ADD2: variants seen among roughly 807,000 people sequenced by gnomAD.
The protein encoded by ADD2 is beta-adducin.
Under a neutral mutation model 83.0 loss-of-function variants are expected in ADD2, and 23 were observed. That is an observed-to-expected ratio of 0.28 (90% CI 0.20 to 0.39). The LOEUF (loss-of-function observed/expected upper bound fraction) is 0.39. ADD2 is among the 10% of genes least tolerant of loss of function. The pLI is 1.00. For missense variants in ADD2, 758 were observed against 944.9 expected (o/e 0.80, Z 2.59); for synonymous variants, 375 against 375.4 (o/e 1.00, Z 0.01).
At chr2:70,691,272 G>C (rs1315126402) in intron 7 of ADD2, among the ~76,000 whole-genome samples, 1 of 152,200 alleles carries the variant, frequency 6.6e-6, no homozygotes, top group Non-Finnish European at 1.5e-5. Context: ...ACAACTCTGG[G>C]AAGAGGCAGG....
At chr2:70,727,151 G>A (rs782191744) in intron 1 of ADD2, among the ~76,000 whole-genome samples, 8 of 152,144 alleles carry the variant, frequency 5.3e-5, no homozygotes, top group Non-Finnish European at 8.8e-5. Context: ...CCATAGACTC[G>A]GAGCAGGAAG....
chr2:70,712,598 T>A lies in ADD2; in HGVS notation c.-35+468A>T, dbSNP rs541310587. Among the ~76,000 whole-genome samples the A allele has an allele frequency of 2.6e-5, 4 of 152,310 alleles. No homozygotes were observed. In the South Asian group the frequency reaches 8.3e-4, roughly 32 times the overall value. Reference sequence around the variant, plus strand: ...TGCAGTTCTCCACTCCATCATTCTGTCCCAGAACATCTGCTGGGCTGCCAT... The same window carrying A: ...TGCAGTTCTCCACTCCATCATTCTGACCCAGAACATCTGCTGGGCTGCCAT... On this transcript the variant is annotated intron_variant, in intron 2 of 15. Coordinates refer to ENST00000264436, the MANE Select transcript of ADD2 (RefSeq NM_001617.4).
rs534333637 is a variant in ADD2, at chr2:70,674,658, T to A, written c.1741+20A>T. Reference sequence around the variant, plus strand: ...ACCCTGGGGGACTTGGAAGCAAGGGTGTGCCTCAGGGTCATTTACCATCAA... The same window carrying A: ...ACCCTGGGGGACTTGGAAGCAAGGGAGTGCCTCAGGGTCATTTACCATCAA... On this transcript the variant is annotated intron_variant, in intron 14 of 15. Transcript: ENST00000264436. The A allele has an allele frequency of 2.6e-3, 3,070 of 1,178,854 alleles. 48 individuals are homozygous for A. In the African/African-American group the frequency reaches 0.057, roughly 22 times the overall value. The allele number at this position is 1,178,854 out of a possible 1,614,324, so 73.0% of individuals were successfully genotyped here.
intron 1 of ADD2, among the ~76,000 whole-genome samples, chr2:70,766,740 G>A (rs1367721670): frequency 1.3e-5 from 2 of 152,144 alleles, no homozygotes; most frequent in Non-Finnish European, 2.9e-5. Flanking sequence ...CTCCTTTTGG[G>A]TTACTCGGGA....
Position 70,767,701 on chromosome 2 carries a change from T to C in ADD2, c.-154+185A>G. 4.3e-6 allele frequency: 6 copies of C among 1,405,624 alleles called. No individual in the cohort carries two copies. The South Asian group carries it at 7.9e-5, about 19-fold the overall frequency. The allele number at this position is 1,405,624 out of a possible 1,614,324, so 87.1% of individuals were successfully genotyped here. On this transcript the variant is annotated intron_variant, in intron 1 of 15. Coordinates refer to ENST00000264436, the MANE Select transcript of ADD2 (RefSeq NM_001617.4). ...CCTAAGAGCCTCGGATGCTACATCA[T>C]CACCAGAAACCTTTAGGCGCAAAAC...
chr2:70,739,956 C>T lies in ADD2; in HGVS notation c.-153-26772G>A, dbSNP rs1256388321. On this transcript the variant is annotated intron_variant, in intron 1 of 15. Coordinates refer to ENST00000264436, the MANE Select transcript of ADD2 (RefSeq NM_001617.4). ...TACCTGCATGGTGGAATAATCTGCA[C>T]AATAAATCCCCGTGACACAAGTTTA... Among the ~76,000 whole-genome samples, 3 of 152,174 alleles carry T rather than the reference C, an allele frequency of 2.0e-5. No homozygotes were observed. The East Asian group carries it at 5.8e-4, about 29-fold the overall frequency.
intron 15 of ADD2, among the ~76,000 whole-genome samples, chr2:70,668,893 T>G (rs1181151914): frequency 6.6e-6 from 1 of 152,172 alleles, no homozygotes; most frequent in Non-Finnish European, 1.5e-5. Context: ...GCTGACGCGC[T>G]TCTGAACACA....
chr2:70,743,034 G>C (rs556427602), intron 1 of ADD2, among the ~76,000 whole-genome samples: 1 of 152,268 alleles, frequency 6.6e-6, no homozygotes, highest in African/African-American at 2.4e-5. Flanking sequence ...TAGTACTGCT[G>C]TTGCATAGCA....
At chr2:70,747,994 T>C (rs1351216458) in intron 1 of ADD2, among the ~76,000 whole-genome samples, 1 of 152,208 alleles carries the variant, frequency 6.6e-6, no homozygotes, top group African/African-American at 2.4e-5. Context: ...AAATTTATAA[T>C]GGCATAAATT....
At position 70,683,478 on chromosome 2, in the gene ADD2, A is replaced by G. The variant is rs114105070; in HGVS notation, c.1125+113T>C. On this transcript the variant is annotated intron_variant, in intron 10 of 15. Coordinates refer to ENST00000264436, the MANE Select transcript of ADD2 (RefSeq NM_001617.4). ...AATTTCCCATCAATGAGGCTTCAAC[A>G]ACCTAGTTGTGATGCTGGCAATTCT... 1,943 of 1,164,418 alleles carry G rather than the reference A, an allele frequency of 1.7e-3. 25 individuals are homozygous for G. In the African/African-American group the frequency reaches 0.027, roughly 16 times the overall value. The allele number at this position is 1,164,418 out of a possible 1,614,324, so 72.1% of individuals were successfully genotyped here. A position where few individuals can be genotyped will look rare whatever the true frequency, so the allele number is the denominator to read the frequency against.
chr2:70,734,735 C>T (rs1391409808), intron 1 of ADD2, among the ~76,000 whole-genome samples: 1 of 152,168 alleles, frequency 6.6e-6, no homozygotes, highest in Admixed American at 6.5e-5. Flanking sequence ...ACAGTCTTAT[C>T]CAAAAAACAA....
intron 4 of ADD2, 45 bp downstream of exon 4, chr2:70,704,276 C>CA: frequency 7.0e-7 from 1 of 1,432,194 alleles, no homozygotes; most frequent in Non-Finnish European, 9.5e-7. Context: ...CCACCCCACC[C>CA]TCCCCTCCAC....
intron 1 of ADD2, among the ~76,000 whole-genome samples, chr2:70,719,722 G>T (rs1416736839): frequency 6.6e-6 from 1 of 152,150 alleles, no homozygotes; most frequent in African/African-American, 2.4e-5. Context: ...TCCACCTCAG[G>T]CTGTCCTGGA....
At chr2:70,717,880 T>G (rs1253675882) in intron 1 of ADD2, 2 of 152,246 alleles carry the variant, frequency 1.3e-5, no homozygotes, top group African/African-American at 4.8e-5. Flanking sequence ...CAAATGCTTC[T>G]GAATTTTACA....
At chr2:70,674,444 C>T (rs2074813) in intron 14 of ADD2, among the ~76,000 whole-genome samples, 52,581 of 152,086 alleles carry the variant, frequency 0.35, 9,448 homozygotes, top group African/African-American at 0.47. Context: ...AGGCACTTCT[C>T]TAAGCACATT....
intron 6 of ADD2, among the ~76,000 whole-genome samples, chr2:70,694,942 C>T (rs539475791): frequency 6.6e-6 from 1 of 152,182 alleles, no homozygotes; most frequent in Non-Finnish European, 1.5e-5. Context: ...ACTTGGCCAT[C>T]ATCTCCTTGG....
At chr2:70,704,263 T>TGCCCCCCCCCCCCCACC in intron 4 of ADD2, 58 bp downstream of exon 4, 5 of 913,234 alleles carry the variant, frequency 5.5e-6, no homozygotes, top group Admixed American at 2.1e-5. Context: ...CTCCCTCTCT[T>TGCCCCCCCCCCCCCACC]CCCCACCCCA....
intron 1 of ADD2, among the ~76,000 whole-genome samples, chr2:70,716,807 C>T (rs2104424033): frequency 6.6e-6 from 1 of 152,258 alleles, no homozygotes; most frequent in East Asian, 1.9e-4. Context: ...GCAGGTGCCT[C>T]AGTGCCCAAA....
intron 15 of ADD2, among the ~76,000 whole-genome samples, chr2:70,669,974 T>G (rs1468472555): frequency 6.6e-6 from 1 of 152,186 alleles, no homozygotes; most frequent in Non-Finnish European, 1.5e-5. Context: ...GTGCACCATC[T>G]TGGAAGTTCC....
Sources: allele counts gnomAD v4.1 joint callset (sites outside exome capture counted in the v4.1 genomes callset), GRCh38; gene constraint gnomAD v4.1.1; transcripts MANE v1.5; gene names NCBI Gene and HGNC (gene_info 2026-07-23, HGNC 2026-07-21).